MPP7: variants seen among roughly 807,000 people sequenced by gnomAD.
MPP7 encodes the protein MAGUK p55 scaffold protein 7.
MPP7 carries 60 observed loss-of-function variants against 76.5 expected under a neutral mutation model. The observed-to-expected ratio is 0.78, with a 90% CI of 0.64 to 0.97. MPP7 has a LOEUF of 0.97. Among genes scored for constraint, MPP7 ranks in the 50% least tolerant of loss-of-function variants. The pLI is 0.00. For missense variants in MPP7, 641 were observed against 694.0 expected (o/e 0.92, Z 0.86); for synonymous variants, 237 against 244.5 (o/e 0.97, Z 0.29).
chr10:28,290,254 C>T (rs981669636), intron 1 of MPP7, among the ~76,000 whole-genome samples: 4 of 151,534 alleles, frequency 2.6e-5, no homozygotes, highest in African/African-American at 9.7e-5. Flanking sequence ...TACTAAGTGG[C>T]CCCACTCACG....
At chr10:28,119,555 G>A (rs1434370632) in intron 11 of MPP7, 96 bp downstream of exon 11, 2 of 907,098 alleles carry the variant, frequency 2.2e-6, no homozygotes, top group East Asian at 5.0e-5. Flanking sequence ...TATTGCTAGG[G>A]TAATAGGACC....
At chr10:28,087,938 C>G (rs939388618) in intron 12 of MPP7, among the ~76,000 whole-genome samples, 1 of 152,162 alleles carries the variant, frequency 6.6e-6, no homozygotes, top group African/African-American at 2.4e-5. Context: ...CCTCCTCCTC[C>G]TTGAGGAGGC....
intron 12 of MPP7, among the ~76,000 whole-genome samples, chr10:28,081,060 G>A (rs183556802): frequency 1.3e-5 from 2 of 152,310 alleles, no homozygotes; most frequent in Non-Finnish European, 2.9e-5. Flanking sequence ...TCTGCAAGCA[G>A]TCTTTGGGCA....
chr10:28,086,642 T>C (rs1853024648), intron 12 of MPP7, among the ~76,000 whole-genome samples: 1 of 152,210 alleles, frequency 6.6e-6, no homozygotes, highest in African/African-American at 2.4e-5. Flanking sequence ...GATGCTGTGA[T>C]ATTCTTTTGT....
rs139148297 is a variant in MPP7, at chr10:28,063,173, A to C, written c.1205-3430T>G. 2.8e-3 allele frequency among the ~76,000 whole-genome samples: 433 copies of C among 152,278 alleles called. 1 individual carries two copies. The highest frequency in any genetic ancestry group is 9.5e-3 in the African/African-American group (396 of 41,576). ...CACGAGACAAACAGTCCAGTTTTTA[A>C]AAATGGGCCAGGCACAGTGCCTCAT... On this transcript the variant is annotated intron_variant, in intron 13 of 16. Transcript: ENST00000683449.
Position 28,129,568 on chromosome 10 carries a change from AC to A in MPP7, c.447+1991del, listed in dbSNP as rs1210588043. 3.0e-3 allele frequency among the ~76,000 whole-genome samples: 452 copies of A among 151,862 alleles called. 1 individual carries two copies. The highest frequency in any genetic ancestry group is 9.9e-3 in the African/African-American group (409 of 41,450). On this transcript the variant is annotated intron_variant, in intron 6 of 16. Coordinates refer to ENST00000683449, the MANE Select transcript of MPP7 (RefSeq NM_001318170.2). ...ACGCCACTGCACTCCAGCCTGGGCA[AC>A]AGAGTGAGACTCCGTCTCAAAAAAA...
intron 2 of MPP7, among the ~76,000 whole-genome samples, chr10:28,318,319 A>T (rs1296432631): frequency 6.6e-6 from 1 of 152,230 alleles, no homozygotes; most frequent in Non-Finnish European, 1.5e-5. Flanking sequence ...ACAGATAATG[A>T]GGTCTCCACT....
chr10:28,096,129 G>A (rs534236261), intron 11 of MPP7, among the ~76,000 whole-genome samples: 10 of 152,258 alleles, frequency 6.6e-5, no homozygotes, highest in South Asian at 2.1e-4. Flanking sequence ...TGAGTTGCTC[G>A]TTATTTGCTT....
chr10:28,188,772 A>C (rs1357493171), intron 3 of MPP7, among the ~76,000 whole-genome samples: 3 of 152,190 alleles, frequency 2.0e-5, no homozygotes, highest in Admixed American at 2.0e-4. Context: ...CAGGCTTCTC[A>C]TCAGAAACCA....
At chr10:28,298,859 C>CT (rs778367517) in intron 1 of MPP7, among the ~76,000 whole-genome samples, 40 of 152,208 alleles carry the variant, frequency 2.6e-4, no homozygotes, top group Non-Finnish European at 5.3e-4. Flanking sequence ...GCTGCTTCAC[C>CT]TTGCACTTTT....
At chr10:28,073,510 C>A (rs895415987) in intron 12 of MPP7, among the ~76,000 whole-genome samples, 22 of 152,114 alleles carry the variant, frequency 1.4e-4, no homozygotes, top group African/African-American at 4.1e-4. Flanking sequence ...TGCCTCACAC[C>A]TGTAATCCCA....
intron 12 of MPP7, among the ~76,000 whole-genome samples, chr10:28,083,568 G>A (rs72801882): frequency 0.06 from 7,181 of 120,578 alleles, 218 homozygotes; most frequent in Middle Eastern, 0.19. Context: ...ATGGAGCTTC[G>A]CTCTTGTTCC....
intron 3 of MPP7, among the ~76,000 whole-genome samples, chr10:28,156,976 G>A (rs920702029): frequency 2.0e-5 from 3 of 152,092 alleles, no homozygotes; most frequent in African/African-American, 7.2e-5. Context: ...TTGGGAGGCC[G>A]AGGCAAGAGG....
chr10:28,160,059 G>T (rs1836205858), intron 3 of MPP7, among the ~76,000 whole-genome samples: 1 of 151,276 alleles, frequency 6.6e-6, no homozygotes, highest in African/African-American at 2.4e-5. Context: ...TTATTCATTG[G>T]CAACAATACA....
intron 12 of MPP7, among the ~76,000 whole-genome samples, chr10:28,080,131 GAGAAA>G (rs991764913): frequency 5.3e-5 from 8 of 151,360 alleles, no homozygotes; most frequent in Admixed American, 4.0e-4. Context: ...AAAGAAAGAA[GAGAAA>G]AGAAAAGAAG....
chr10:28,052,172 T>C lies in MPP7; in HGVS notation c.*1893A>G, dbSNP rs913474033. The C allele has an allele frequency of 2.0e-5, 3 of 152,192 alleles. No homozygotes were observed. Among genetic ancestry groups the C allele is most frequent in the Admixed American group, 1.3e-4 (2 of 15,284 alleles). The allele number at this position is 152,192 out of a possible 1,614,324, so 9.4% of individuals were successfully genotyped here. On this transcript the variant is annotated 3_prime_UTR_variant, in exon 17 of 17. Transcript: ENST00000683449. The stretch of plus-strand genomic sequence containing the variant: ...GGGTAAAGAATTTGGACTGCCTAAA[T>C]TACTCAGGTGATTGCCTGAATTATT...
At chr10:28,200,966 C>A (rs539681897) in intron 3 of MPP7, among the ~76,000 whole-genome samples, 34 of 152,258 alleles carry the variant, frequency 2.2e-4, no homozygotes, top group African/African-American at 8.2e-4. Flanking sequence ...AACTTCCACA[C>A]AGTCAACTTA....
At chr10:28,212,495 T>TA (rs1838172609) in intron 2 of MPP7, among the ~76,000 whole-genome samples, 1 of 152,140 alleles carries the variant, frequency 6.6e-6, no homozygotes, top group Non-Finnish European at 1.5e-5. Context: ...GGCAGTTGAA[T>TA]ATGGGGTCAG....
intron 2 of MPP7, among the ~76,000 whole-genome samples, chr10:28,309,628 G>T (rs1248102150): frequency 3.3e-5 from 5 of 152,130 alleles, no homozygotes; most frequent in Non-Finnish European, 4.4e-5. Flanking sequence ...TTTGGCTGTT[G>T]AACTTTATCA....
Sources: gnomAD v4.1 joint callset for allele counts (sites outside exome capture counted in the v4.1 genomes callset) on GRCh38, gnomAD v4.1.1 for gene constraint, MANE v1.5 for transcripts, NCBI Gene and HGNC (gene_info 2026-07-23, HGNC 2026-07-21) for gene names.